The following STAT4 variants were observed in gnomAD, a reference collection of about 807,000 sequenced individuals.
The protein encoded by STAT4 is signal transducer and activator of transcription 4.
STAT4 carries 42 observed loss-of-function variants against 110.5 expected under a neutral mutation model. That is an observed-to-expected ratio of 0.38 (90% confidence interval 0.30 to 0.49). STAT4 has a LOEUF of 0.49. Among genes scored for constraint, STAT4 ranks in the 20% least tolerant of loss-of-function variants. The probability of loss-of-function intolerance (pLI) is 0.95; values close to 1 mark genes in which losing one functional copy is unlikely to be tolerated. For missense variants in STAT4, 632 were observed against 887.9 expected (o/e 0.71, Z 3.66); for synonymous variants, 284 against 302.2 (o/e 0.94, Z 0.63).
Position 191,053,220 on chromosome 2 carries a change from T to A in STAT4, c.1251+1270A>T, listed in dbSNP as rs1696583401. 6.6e-6 allele frequency among the ~76,000 whole-genome samples: 1 copy of A among 152,186 alleles called. No homozygotes were observed. The highest frequency in any genetic ancestry group is 1.5e-5 in the Non-Finnish European group (1 of 68,028). Reference sequence around the variant, plus strand: ...GTGACTATAAAGCCAAGAGTTTGGATCCATATGAACCACCCCAGAAATAAA... The same window carrying A: ...GTGACTATAAAGCCAAGAGTTTGGAACCATATGAACCACCCCAGAAATAAA... On this transcript the variant is annotated intron_variant, in intron 14 of 23. Coordinates refer to ENST00000392320, the MANE Select transcript of STAT4 (RefSeq NM_003151.4). The surrounding 1 kb of genome is among the most constrained non-coding windows in gnomAD (Gnocchi z 4.5).
chr2:191,096,159 G>C (rs1279153382), intron 3 of STAT4, among the ~76,000 whole-genome samples: 3 of 152,270 alleles, frequency 2.0e-5, no homozygotes, highest in Non-Finnish European at 2.9e-5. Context: ...CCCAGGACCA[G>C]AGGGATTCAT....
Position 191,082,016 on chromosome 2 carries a change from G to C in STAT4, c.274-5691C>G, listed in dbSNP as rs1227240061. 1.3e-5 allele frequency among the ~76,000 whole-genome samples: 2 copies of C among 152,162 alleles called. No individual in the cohort carries two copies. Among genetic ancestry groups the C allele is most frequent in the African/African-American group, 4.8e-5 (2 of 41,426 alleles). Reference sequence around the variant, plus strand: ...CATCTTAATGATAATACTGTGCAATGCATGAATCATTCACTCCAGGGTCTT... The same window carrying C: ...CATCTTAATGATAATACTGTGCAATCCATGAATCATTCACTCCAGGGTCTT... On this transcript the variant is annotated intron_variant, in intron 3 of 23. Transcript: ENST00000392320. The surrounding 1 kb of genome is among the most constrained non-coding windows in gnomAD (Gnocchi z 4.7).
intron 3 of STAT4, among the ~76,000 whole-genome samples, chr2:191,078,763 C>T (rs1362617992): frequency 6.6e-6 from 1 of 152,108 alleles, no homozygotes; most frequent in Non-Finnish European, 1.5e-5. Flanking sequence ...CAAATACCTT[C>T]TACTCTATGG....
rs929133709 is a variant in STAT4, at chr2:191,112,111, C to T, written c.273+34502G>A. ...TTATGTCAAAACTTGTCAGATTGTA[C>T]ACTTTAAATATATATATATTGTATG... is the stretch of plus-strand genomic sequence containing the variant. On this transcript the variant is annotated intron_variant, in intron 3 of 23. Coordinates refer to ENST00000392320, the MANE Select transcript of STAT4 (RefSeq NM_003151.4). This position sits in a 1 kb window ranked among gnomAD's most constrained non-coding sequence, Gnocchi z 4.3. Among the ~76,000 whole-genome samples, 1 of 152,110 alleles carries T rather than the reference C, an allele frequency of 6.6e-6. No individual in the cohort carries two copies.
At chr2:191,057,368 T>G (rs1411262625) in intron 13 of STAT4, among the ~76,000 whole-genome samples, 1 of 152,220 alleles carries the variant, frequency 6.6e-6, no homozygotes, top group Admixed American at 6.5e-5. Context: ...GGCTGAATAA[T>G]ATATTCCATT....
intron 18 of STAT4, 51 bp from the exon 19 acceptor site, chr2:191,034,056 T>G: frequency 8.1e-7 from 1 of 1,234,868 alleles, no homozygotes; most frequent in Non-Finnish European, 1.2e-6. Flanking sequence ...AGTAATAATG[T>G]TGATATAATA....
rs1235435766 is a variant in STAT4, at chr2:191,051,878, C to T, written c.1251+2612G>A. Among the ~76,000 whole-genome samples the T allele has an allele frequency of 6.6e-6, 1 of 152,204 alleles. No homozygotes were observed. Reference sequence around the variant, plus strand: ...TGTGACCACTCTGTGCCTCAGTTTCCATAACTGAAATAAGTATGAAGCTAA... The same window carrying T: ...TGTGACCACTCTGTGCCTCAGTTTCTATAACTGAAATAAGTATGAAGCTAA... On this transcript the variant is annotated intron_variant, in intron 14 of 23. Transcript: ENST00000392320. The surrounding 1 kb of genome is among the most constrained non-coding windows in gnomAD (Gnocchi z 5.6).
chr2:191,048,893 A>G (rs903809051), intron 14 of STAT4, among the ~76,000 whole-genome samples: 2 of 150,500 alleles, frequency 1.3e-5, no homozygotes, highest in African/African-American at 4.9e-5. Context: ...ATCCATATTA[A>G]TGATATTTAC....
In STAT4 at chr2:191,060,342, T is replaced by C. The variant is rs1696814361; in HGVS notation, c.1034+1387A>G. ...ACTTCTCCATCTTATTTCACTCTCC[T>C]CCGAGTTATACAGAGATGTCGGAAT... On this transcript the variant is annotated intron_variant, in intron 10 of 23. Transcript: ENST00000392320. The surrounding 1 kb of genome is among the most constrained non-coding windows in gnomAD (Gnocchi z 4.5). Among the ~76,000 whole-genome samples, 2 of 152,230 alleles carry C rather than the reference T, an allele frequency of 1.3e-5. No homozygotes were observed. The highest frequency in any genetic ancestry group is 4.8e-5 in the African/African-American group (2 of 41,460).
At position 191,062,258 on chromosome 2, in the gene STAT4, T is replaced by G. The variant is rs1260039908; in HGVS notation, c.942-437A>C. Among the ~76,000 whole-genome samples, 1 of 152,102 alleles carries G rather than the reference T, an allele frequency of 6.6e-6. No individual in the cohort carries two copies. Among genetic ancestry groups the G allele is most frequent in the Non-Finnish European group, 1.5e-5 (1 of 68,014 alleles). On this transcript the variant is annotated intron_variant, in intron 9 of 23. Transcript: ENST00000392320. The surrounding 1 kb of genome is among the most constrained non-coding windows in gnomAD (Gnocchi z 4.9). ...TTCTGTAGAGATGGGGGTCTTTTTA[T>G]GCTGTCCAGGCTGTTCTACAACTCC...
Position 191,110,871 on chromosome 2 carries a change from C to T in STAT4, c.274-34546G>A, listed in dbSNP as rs984544379. ...CAGTCTCGTCTCACTGCAACCTCTG[C>T]CTCCTGGGTTCAAGCGATTCCCCTG... On this transcript the variant is annotated intron_variant, in intron 3 of 23. Transcript: ENST00000392320. The surrounding 1 kb of genome is among the most constrained non-coding windows in gnomAD (Gnocchi z 4.5). Among the ~76,000 whole-genome samples the T allele has an allele frequency of 5.3e-5, 8 of 152,140 alleles. No homozygotes were observed. The highest frequency in any genetic ancestry group is 1.2e-4 in the Non-Finnish European group (8 of 68,038).
In STAT4 at chr2:191,062,702, C is replaced by T. The variant is rs944688829; in HGVS notation, c.941+60G>A. 25 of 1,592,932 alleles carry T rather than the reference C, an allele frequency of 1.6e-5. No homozygotes were observed. The highest frequency in any genetic ancestry group is 1.9e-5 in the Non-Finnish European group (22 of 1,165,038). On this transcript the variant is annotated intron_variant, in intron 9 of 23. Transcript: ENST00000392320. The surrounding 1 kb of genome is among the most constrained non-coding windows in gnomAD (Gnocchi z 4.9). ...CACTCTTCCACCTAAACACCAAAAC[C>T]TTAGGAAGGGTGTTCTTACTTCACA...
intron 3 of STAT4, among the ~76,000 whole-genome samples, chr2:191,127,931 C>T (rs372423188): frequency 2.3e-4 from 35 of 152,270 alleles, no homozygotes; most frequent in Admixed American, 1.3e-3. Context: ...AAATGACTCA[C>T]GAATGAAATT....
chr2:191,136,368 C>A (rs1489080497), intron 3 of STAT4, among the ~76,000 whole-genome samples: 1 of 152,184 alleles, frequency 6.6e-6, no homozygotes, highest in African/African-American at 2.4e-5. Flanking sequence ...TTCAACTACT[C>A]CTATTCAACA....
intron 3 of STAT4, among the ~76,000 whole-genome samples, chr2:191,126,437 TTGCTTAACAACCACCATGA>T (rs1559078883): frequency 6.6e-6 from 1 of 152,212 alleles, no homozygotes; most frequent in Admixed American, 6.5e-5. Context: ...TGCCCAAATT[TTGCTTAACAACCACCATGA>T]TGCTCCTAGC....
chr2:191,071,659 G>T (rs1697157493), intron 5 of STAT4, among the ~76,000 whole-genome samples: 1 of 152,204 alleles, frequency 6.6e-6, no homozygotes, highest in African/African-American at 2.4e-5. Context: ...CTCTCTGAAT[G>T]ATCTGAGAGC....
At chr2:191,079,727 A>T (rs1052124115) in intron 3 of STAT4, among the ~76,000 whole-genome samples, 1 of 152,036 alleles carries the variant, frequency 6.6e-6, no homozygotes, top group African/African-American at 2.4e-5. Context: ...GTTAATTTCT[A>T]TACATAGGGA....
intron 4 of STAT4, among the ~76,000 whole-genome samples, chr2:191,074,676 T>C (rs1226997783): frequency 6.6e-6 from 1 of 152,206 alleles, no homozygotes; most frequent in Admixed American, 6.5e-5. Context: ...CATAAAAGTA[T>C]CTTAATTTTT....
chr2:191,123,950 A>G (rs1698807523), intron 3 of STAT4, among the ~76,000 whole-genome samples: 1 of 152,216 alleles, frequency 6.6e-6, no homozygotes, highest in South Asian at 2.1e-4. Flanking sequence ...CCTAAGTTGA[A>G]GACCATCTGT....
Sources: gnomAD v4.1 joint callset for allele counts (sites outside exome capture counted in the v4.1 genomes callset) on GRCh38, gnomAD v4.1.1 for gene constraint, Gnocchi (gnomAD v3.1) non-coding constraint, MANE v1.5 for transcripts, NCBI Gene and HGNC (gene_info 2026-07-23, HGNC 2026-07-21) for gene names.